ARID1B: variants seen among roughly 807,000 people sequenced by gnomAD.
ARID1B encodes AT-rich interactive domain-containing protein 1B.
ARID1B carries 30 observed loss-of-function variants against 212.3 expected under a neutral mutation model. The observed-to-expected ratio is 0.14, with a 90% CI of 0.11 to 0.19. ARID1B has a LOEUF of 0.19. Among genes scored for constraint, ARID1B ranks in the 10% least tolerant of loss-of-function variants. The probability of loss-of-function intolerance (pLI) is 1.00; values close to 1 mark genes in which losing one functional copy is unlikely to be tolerated. For missense variants in ARID1B, 2,891 were observed against 3,204.0 expected (o/e 0.90, Z 2.36); for synonymous variants, 1,402 against 1,301.7 (o/e 1.08, Z -1.66).
intron 4 of ARID1B, among the ~76,000 whole-genome samples, chr6:157,033,436 C>T (rs1781131049): frequency 1.3e-5 from 2 of 152,080 alleles, no homozygotes; most frequent in South Asian, 4.1e-4. Flanking sequence ...TTTATTTTGA[C>T]GATAATGCTG....
Position 157,206,982 on chromosome 6 carries a change from T to C in ARID1B, c.6210T>C (p.Cys2070=), listed in dbSNP as rs1418775357. 5 of 1,614,194 alleles carry C rather than the reference T, an allele frequency of 3.1e-6. No homozygotes were observed. The highest frequency in any genetic ancestry group is 3.3e-5 in the Admixed American group (2 of 60,028). The part of the protein sequence containing the change: ...WQDSLAKRCI[C]VSNIVRSLSF... ...ACTCGCTGGCTAAGCGATGCATCTGTGTGTCCAATATTGTCCGTAGCTTGT... is the reference window on the plus strand; with the variant it reads ...ACTCGCTGGCTAAGCGATGCATCTGCGTGTCCAATATTGTCCGTAGCTTGT... Residue 2070 remains cysteine (C), a synonymous_variant, in exon 20 of 20, where the codon TGT becomes TGC. Coordinates refer to ENST00000636930, the MANE Select transcript of ARID1B (RefSeq NM_001374828.1). This position sits in a 1 kb window ranked among gnomAD's most constrained non-coding sequence, Gnocchi z 6.8.
At chr6:157,044,905 T>TG (rs1191676418) in intron 4 of ARID1B, among the ~76,000 whole-genome samples, 1 of 152,210 alleles carries the variant, frequency 6.6e-6, no homozygotes, top group Non-Finnish European at 1.5e-5. Context: ...TTGCCTGAGC[T>TG]GGTCTAGAAA....
At chr6:157,131,329 A>G (rs1305790111) in intron 6 of ARID1B, among the ~76,000 whole-genome samples, 1 of 152,190 alleles carries the variant, frequency 6.6e-6, no homozygotes, top group African/African-American at 2.4e-5. Context: ...AAAATAAAAT[A>G]AAGTGATTAC....
chr6:156,910,322 A>G (rs1404678812), intron 3 of ARID1B, among the ~76,000 whole-genome samples: 1 of 152,148 alleles, frequency 6.6e-6, no homozygotes, highest in African/African-American at 2.4e-5. Context: ...TATTCCTGCT[A>G]CCTCTGCATA....
chr6:156,781,233 C>T (rs1779243971), intron 1 of ARID1B, among the ~76,000 whole-genome samples: 1 of 151,912 alleles, frequency 6.6e-6, no homozygotes, highest in African/African-American at 2.4e-5. Context: ...TACTAAGAAT[C>T]ATTTCATATT....
At chr6:156,807,957 T>C (rs1781292496) in intron 1 of ARID1B, among the ~76,000 whole-genome samples, 1 of 152,214 alleles carries the variant, frequency 6.6e-6, no homozygotes, top group Non-Finnish European at 1.5e-5. Context: ...TGACTTCCTT[T>C]TCTGACAGCC....
At chr6:157,113,105 G>T (rs1482607909) in intron 6 of ARID1B, among the ~76,000 whole-genome samples, 1 of 152,046 alleles carries the variant, frequency 6.6e-6, no homozygotes, top group Non-Finnish European at 1.5e-5. Context: ...GTTTTTGGTA[G>T]AGATGAGATT....
intron 4 of ARID1B, among the ~76,000 whole-genome samples, chr6:157,056,246 C>T (rs1285893148): frequency 6.6e-6 from 1 of 152,164 alleles, no homozygotes; most frequent in African/African-American, 2.4e-5. Flanking sequence ...ACTGATTTCA[C>T]ATTTGCCCTC....
At chr6:157,009,022 A>G (rs1485113834) in intron 4 of ARID1B, among the ~76,000 whole-genome samples, 1 of 152,226 alleles carries the variant, frequency 6.6e-6, no homozygotes, top group African/African-American at 2.4e-5. Context: ...AACCCTTCAT[A>G]TAATAAAATA....
intron 3 of ARID1B, among the ~76,000 whole-genome samples, chr6:156,929,015 T>C (rs1791479024): frequency 6.6e-6 from 1 of 152,196 alleles, no homozygotes; most frequent in African/African-American, 2.4e-5. Context: ...ACAGTTATTA[T>C]AGAAATGAAG....
intron 4 of ARID1B, among the ~76,000 whole-genome samples, chr6:156,974,638 T>C (rs1777117703): frequency 6.6e-6 from 1 of 152,206 alleles, no homozygotes; most frequent in African/African-American, 2.4e-5. Context: ...TAGAAAAATC[T>C]TTACTTTTTC....
chr6:157,178,156 A>G (rs1474695190), intron 11 of ARID1B, among the ~76,000 whole-genome samples: 1 of 151,710 alleles, frequency 6.6e-6, no homozygotes, highest in Admixed American at 6.6e-5. Flanking sequence ...GCCCACGTTC[A>G]CTCCACACCT....
rs1778686181 is a variant in ARID1B at position 156,777,388 on chromosome 6, G to C, written c.-293G>C. ...CGCCCGCTGCCTCTCAAGCCATGCT[G>C]GGCCCGATAGGCTCAGCTAGTCGTG... On this transcript the variant is annotated 5_prime_UTR_variant, in exon 1 of 20. Coordinates refer to ENST00000636930, the MANE Select transcript of ARID1B (RefSeq NM_001374828.1). 1 of 151,386 alleles carries C rather than the reference G, an allele frequency of 6.6e-6. No homozygotes were observed. The highest frequency in any genetic ancestry group is 1.5e-5 in the Non-Finnish European group (1 of 67,826). The allele number at this position is 151,386 out of a possible 1,614,324, so 9.4% of individuals were successfully genotyped here.
intron 1 of ARID1B, among the ~76,000 whole-genome samples, chr6:156,827,015 A>G (rs141290747): frequency 2.1e-3 from 316 of 152,174 alleles, no homozygotes; most frequent in African/African-American, 7.0e-3. Context: ...ATTGCTTCCT[A>G]TTGATTAATT....
At chr6:157,178,568 T>TC (rs1354857921) in intron 11 of ARID1B, among the ~76,000 whole-genome samples, 24 of 152,300 alleles carry the variant, frequency 1.6e-4, no homozygotes, top group Admixed American at 5.9e-4. Context: ...CCGTGTCAGT[T>TC]CCCTGCAGAT....
intron 4 of ARID1B, among the ~76,000 whole-genome samples, chr6:157,016,487 A>G (rs535686743): frequency 1.3e-5 from 2 of 152,362 alleles, no homozygotes; most frequent in South Asian, 2.1e-4. Flanking sequence ...GTTTTGTTCA[A>G]TGTTGTTTCC....
At chr6:156,969,019 G>A (rs925444020) in intron 4 of ARID1B, among the ~76,000 whole-genome samples, 2 of 152,226 alleles carry the variant, frequency 1.3e-5, no homozygotes, top group African/African-American at 4.8e-5. Context: ...TGTTGAAAAG[G>A]ATGGCTCACT....
chr6:157,181,967 A>G (rs757509532), intron 12 of ARID1B, among the ~76,000 whole-genome samples: 13 of 152,180 alleles, frequency 8.5e-5, no homozygotes, highest in Non-Finnish European at 1.9e-4. Flanking sequence ...CAAGTACAGG[A>G]TGGGGTGCAG....
At chr6:156,966,113 G>A (rs563728175) in intron 4 of ARID1B, among the ~76,000 whole-genome samples, 10 of 152,240 alleles carry the variant, frequency 6.6e-5, no homozygotes, top group Non-Finnish European at 1.0e-4. Context: ...TTATCTGTAT[G>A]TACTGCTAAT....
Sources: gnomAD v4.1 joint callset for allele counts (sites outside exome capture counted in the v4.1 genomes callset) on GRCh38, gnomAD v4.1.1 for gene constraint, Gnocchi (gnomAD v3.1) non-coding constraint, MANE v1.5 for transcripts, NCBI Gene and HGNC (gene_info 2026-07-23, HGNC 2026-07-21) for gene names.